ARMC3: variants seen among roughly 807,000 people sequenced by gnomAD.
ARMC3 encodes armadillo repeat containing 3, also known as armadillo repeat-containing protein 3.
In ARMC3, 74 loss-of-function variants were observed where a neutral mutation model predicts 90.3. The observed-to-expected ratio is 0.82, with a 90% CI of 0.68 to 0.99. The LOEUF is 0.99. Ranked by LOEUF, ARMC3 falls within the 50% of genes least tolerant of loss-of-function variation. The pLI is 0.00. For synonymous variants in ARMC3, 334 were observed against 361.8 expected (o/e 0.92, Z 0.87); for missense variants, 958 against 1,042.8 (o/e 0.92, Z 1.12).
intron 4 of ARMC3, among the ~76,000 whole-genome samples, chr10:22,956,777 TTA>T (rs1424186524): frequency 4.7e-5 from 7 of 148,268 alleles, no homozygotes; most frequent in Non-Finnish European, 1.0e-4. Context: ...TATCAATATA[TTA>T]ATATATTAGT....
At chr10:22,996,710 A>G (rs574996049) in intron 10 of ARMC3, among the ~76,000 whole-genome samples, 10 of 152,288 alleles carry the variant, frequency 6.6e-5, no homozygotes, top group Non-Finnish European at 1.3e-4. Context: ...AGTTTCTTTC[A>G]GAGCTGGTGC....
intron 18 of ARMC3, among the ~76,000 whole-genome samples, chr10:23,035,241 C>T (rs983027989): frequency 2.6e-5 from 4 of 152,104 alleles, no homozygotes; most frequent in South Asian, 2.1e-4. Context: ...GGACACTAAT[C>T]CCATCGTGGG....
chr10:22,947,753 T>G (rs1419526748), intron 3 of ARMC3, among the ~76,000 whole-genome samples: 1 of 152,322 alleles, frequency 6.6e-6, no homozygotes, highest in East Asian at 1.9e-4. Flanking sequence ...GGGTCTGAGG[T>G]ATGTGCAAAG....
At chr10:23,006,794 C>T (rs1837634225) in intron 13 of ARMC3, 90 bp from the exon 14 acceptor site, 2 of 1,058,294 alleles carry the variant, frequency 1.9e-6, no homozygotes, top group Admixed American at 3.4e-5. Context: ...TGAGACACCG[C>T]AAACAGCTGA....
intron 16 of ARMC3, among the ~76,000 whole-genome samples, chr10:23,016,070 T>C (rs1838257224): frequency 6.6e-6 from 1 of 152,206 alleles, no homozygotes; most frequent in South Asian, 2.1e-4. Context: ...CAACGCCTTG[T>C]TCCCATCCTT....
intron 6 of ARMC3, 41 bp from the exon 7 acceptor site, chr10:22,961,843 T>G (rs766270838): frequency 3.0e-5 from 45 of 1,483,604 alleles, no homozygotes; most frequent in Non-Finnish European, 3.7e-5. Flanking sequence ...GAGGATGTAT[T>G]TTGCTTAAAA....
chr10:22,946,405 A>G (rs1296120500), intron 3 of ARMC3, 144 bp downstream of exon 3: 1 of 532,964 alleles, frequency 1.9e-6, no homozygotes, highest in Non-Finnish European at 3.3e-6. Flanking sequence ...TTAATGCATT[A>G]CCTAAGAGCA....
At chr10:23,036,804 A>G (rs1564410396) in intron 18 of ARMC3, among the ~76,000 whole-genome samples, 1 of 152,220 alleles carries the variant, frequency 6.6e-6, no homozygotes. Flanking sequence ...AAGGAGCCCT[A>G]GGACCAGGCA....
At chr10:23,008,768 T>C in intron 15 of ARMC3, 47 bp from the exon 16 acceptor site, 3 of 1,484,686 alleles carry the variant, frequency 2.0e-6, no homozygotes, top group South Asian at 1.2e-5. Context: ...TGTATTGTTG[T>C]TTTCCATATG....
intron 16 of ARMC3, among the ~76,000 whole-genome samples, chr10:23,018,010 A>C (rs564810055): frequency 6.6e-6 from 1 of 152,260 alleles, no homozygotes; most frequent in Non-Finnish European, 1.5e-5. Context: ...CACGGAGAGC[A>C]GTGTGGTAGA....
chr10:22,984,735 C>T (rs1049378867), intron 10 of ARMC3, among the ~76,000 whole-genome samples: 10 of 152,072 alleles, frequency 6.6e-5, no homozygotes, highest in African/African-American at 2.4e-5. Flanking sequence ...AAAGATCTTA[C>T]CCATTTGGTA....
intron 8 of ARMC3, among the ~76,000 whole-genome samples, chr10:22,969,900 T>G (rs1278519382): frequency 6.6e-6 from 1 of 152,200 alleles, no homozygotes; most frequent in Non-Finnish European, 1.5e-5. Flanking sequence ...CTACCCATCA[T>G]GTGCCACAGT....
chr10:22,994,569 G>A (rs1836867989), intron 10 of ARMC3, among the ~76,000 whole-genome samples: 1 of 152,086 alleles, frequency 6.6e-6, no homozygotes, highest in Non-Finnish European at 1.5e-5. Flanking sequence ...AAAAGAAAAA[G>A]AAAAAATTGG....
chr10:22,929,340 G>GGAAAA (rs1422141186), intron 1 of ARMC3, among the ~76,000 whole-genome samples: 2 of 133,320 alleles, frequency 1.5e-5, no homozygotes, highest in African/African-American at 3.2e-5. Context: ...GGAAAGGAAA[G>GGAAAA]GAAAAGAAAA....
rs756062248 is a variant in ARMC3, at chr10:22,946,219, T to G, written c.124T>G (p.Leu42Val). Residue 42 changes from leucine (L) to valine (V), a missense_variant, in exon 3 of 19, where the codon TTG becomes GTG. Physicochemically the swap from Leu to Val is conservative, Grantham distance 32. Coordinates refer to ENST00000298032, the MANE Select transcript of ARMC3 (RefSeq NM_173081.5). ...LMLNSPEEEILAKACEAIYKF... is the reference protein window; with the variant it reads ...LMLNSPEEEIVAKACEAIYKF... ...GCTTAATTCTCCAGAAGAGGAAATT[T>G]TGGCTAAAGCATGTGAAGCCATTTA... The G allele has an allele frequency of 1.2e-6, 2 of 1,612,706 alleles. No individual in the cohort carries two copies. The highest frequency in any genetic ancestry group is 2.7e-5 in the African/African-American group (2 of 74,910).
chr10:22,999,960 G>A (rs16922890), intron 11 of ARMC3, among the ~76,000 whole-genome samples: 2,980 of 152,240 alleles, frequency 0.02, 98 homozygotes, highest in African/African-American at 0.068. Flanking sequence ...GGTCCTGTTT[G>A]TACCTCCATG....
chr10:23,000,960 G>C (rs1212330210), intron 11 of ARMC3, among the ~76,000 whole-genome samples: 1 of 151,984 alleles, frequency 6.6e-6, no homozygotes, highest in African/African-American at 2.4e-5. Context: ...CACGAGTGAT[G>C]TCTTTTAATA....
intron 1 of ARMC3, among the ~76,000 whole-genome samples, chr10:22,930,132 T>G (rs1381370966): frequency 6.6e-6 from 1 of 152,226 alleles, no homozygotes; most frequent in East Asian, 1.9e-4. Flanking sequence ...ATAAACTCTC[T>G]CTTTTTTTTT....
intron 16 of ARMC3, among the ~76,000 whole-genome samples, chr10:23,027,381 G>A (rs780167687): frequency 6.6e-6 from 1 of 152,066 alleles, no homozygotes; most frequent in Non-Finnish European, 1.5e-5. Flanking sequence ...ATTTTATTTG[G>A]AGCAATTGTA....
Sources: gnomAD v4.1 joint callset for allele counts (sites outside exome capture counted in the v4.1 genomes callset) on GRCh38, gnomAD v4.1.1 for gene constraint, MANE v1.5 for transcripts, NCBI Gene and HGNC (gene_info 2026-07-23, HGNC 2026-07-21) for gene names.